The following OXR1 variants were observed in gnomAD, a reference collection of about 807,000 sequenced individuals.
The protein encoded by OXR1 is oxidation resistance protein 1.
OXR1 carries 41 observed loss-of-function variants against 104.6 expected under a neutral mutation model. The observed-to-expected ratio is 0.39, with a 90% CI of 0.31 to 0.51. The LOEUF is 0.51. Among genes scored for constraint, OXR1 ranks in the 20% least tolerant of loss-of-function variants. The probability of loss-of-function intolerance (pLI) is 0.77; values close to 1 mark genes in which losing one functional copy is unlikely to be tolerated. For synonymous variants in OXR1, 348 were observed against 348.4 expected, an observed-to-expected ratio of 1.00 and a Z score of 0.01; for missense variants, 955 against 1,031.9, an observed-to-expected ratio of 0.93 and a Z score of 1.02.
At chr8:106,641,147 C>T (rs1165329352) in intron 3 of OXR1, among the ~76,000 whole-genome samples, 1 of 152,220 alleles carries the variant, frequency 6.6e-6, no homozygotes, top group African/African-American at 2.4e-5. Context: ...TTTTTGCACA[C>T]AGCTGTCTTC....
chr8:106,563,624 C>G (rs1816855932), intron 3 of OXR1, among the ~76,000 whole-genome samples: 1 of 152,132 alleles, frequency 6.6e-6, no homozygotes, highest in South Asian at 2.1e-4. Context: ...CAACTCAGCT[C>G]TAGACCAAGC....
intron 8 of OXR1, among the ~76,000 whole-genome samples, chr8:106,704,393 C>CTTCTTTTTT (rs1830917410): frequency 8.4e-5 from 4 of 47,888 alleles, no homozygotes; most frequent in African/African-American, 3.0e-4. Flanking sequence ...CTTTCTTCTT[C>CTTCTTTTTT]TTTTTTTTTT....
At chr8:106,345,708 A>G (rs1346996721) in intron 1 of OXR1, among the ~76,000 whole-genome samples, 3 of 152,292 alleles carry the variant, frequency 2.0e-5, no homozygotes, top group Admixed American at 1.3e-4. Flanking sequence ...CATAAAACAT[A>G]CGTTTGATCA....
At chr8:106,519,262 T>C (rs1185563493) in intron 3 of OXR1, 123 bp downstream of exon 3, 2 of 657,822 alleles carry the variant, frequency 3.0e-6, no homozygotes, top group Non-Finnish European at 5.2e-6. Context: ...TCTGATGGTT[T>C]ATTTGGACAT....
In OXR1 at chr8:106,338,564, G is replaced by GA. The variant is rs34887481; in HGVS notation, c.-138-20896dup. Among the ~76,000 whole-genome samples the GA allele has an allele frequency of 7.7e-3, 650 of 84,910 alleles. 3 individuals carry two copies. Among genetic ancestry groups the GA allele is most frequent in the South Asian group, 0.023 (55 of 2,380 alleles). 55.7% of individuals were successfully genotyped at this position (84,910 alleles called of 152,430 possible). ...GGGGACAGAGTGAGACTCTGTCTCA[G>GA]AAAAAAAAAAAAAAAAGCAACCCAG... On this transcript the variant is annotated intron_variant, in intron 1 of 16. Coordinates refer to ENST00000517566, the MANE Select transcript of OXR1 (RefSeq NM_001198533.2).
intron 2 of OXR1, among the ~76,000 whole-genome samples, chr8:106,469,308 A>G (rs1451839183): frequency 1.3e-5 from 2 of 151,764 alleles, no homozygotes; most frequent in Admixed American, 1.3e-4. Context: ...ATGCATGAGA[A>G]TGGTTACATA....
chr8:106,618,030 G>T (rs1821384035), intron 3 of OXR1: 1 of 1,518,842 alleles, frequency 6.6e-7, no homozygotes, highest in Non-Finnish European at 8.8e-7. Context: ...CAGGGACCGG[G>T]CGGGAGGAGA....
chr8:106,281,259 A>C (rs1413461349), intron 1 of OXR1, among the ~76,000 whole-genome samples: 2 of 152,198 alleles, frequency 1.3e-5, no homozygotes, highest in Non-Finnish European at 2.9e-5. Context: ...CAGAGAACTC[A>C]AAAGTTTACA....
chr8:106,578,889 C>T (rs1265881979), intron 3 of OXR1, among the ~76,000 whole-genome samples: 2 of 151,750 alleles, frequency 1.3e-5, no homozygotes, highest in African/African-American at 4.8e-5. Context: ...CCCATTTACT[C>T]TTTACCCTAT....
rs1363473473 is a variant in OXR1, at chr8:106,641,502, TAC to T, written c.221-37706_221-37705del. Among the ~76,000 whole-genome samples, 18 of 152,340 alleles carry T rather than the reference TAC, an allele frequency of 1.2e-4. No individual in the cohort carries two copies. The South Asian group carries it at 3.1e-3, about 26-fold the overall frequency. ...AGATACAGGATGAAATAAGGCTTTT[TAC>T]AAACAGACTATAAAAGTTGCCAGAG... On this transcript the variant is annotated intron_variant, in intron 3 of 16. Coordinates refer to ENST00000517566, the MANE Select transcript of OXR1 (RefSeq NM_001198533.2).
At chr8:106,547,650 G>A (rs1277118850) in intron 3 of OXR1, among the ~76,000 whole-genome samples, 1 of 151,838 alleles carries the variant, frequency 6.6e-6, no homozygotes, top group East Asian at 1.9e-4. Context: ...ACATGACCAT[G>A]CCCAGCTAAT....
intron 3 of OXR1, among the ~76,000 whole-genome samples, chr8:106,577,859 C>T (rs1817967536): frequency 1.3e-5 from 2 of 152,150 alleles, no homozygotes; most frequent in South Asian, 4.1e-4. Context: ...CTTGTAGTTC[C>T]TGTATCTCCT....
chr8:106,472,430 AG>A (rs1485370129), intron 2 of OXR1, among the ~76,000 whole-genome samples: 2 of 151,810 alleles, frequency 1.3e-5, no homozygotes, highest in African/African-American at 4.8e-5. Context: ...TACGTGCTTC[AG>A]GAAATACAAG....
chr8:106,713,759 A>G, intron 10 of OXR1, 64 bp from the exon 11 acceptor site: 7 of 912,664 alleles, frequency 7.7e-6, no homozygotes, highest in African/African-American at 1.7e-5. Flanking sequence ...TATTTTACAA[A>G]TATAATTTTT....
rs187797084 is a variant in OXR1 at position 106,371,688 on chromosome 8, A to G, written c.23+12052A>G. Among the ~76,000 whole-genome samples the G allele has an allele frequency of 4.4e-3, 665 of 152,266 alleles. 11 individuals carry two copies. The highest frequency in any genetic ancestry group is 0.015 in the African/African-American group (626 of 41,544). ...TTCAGGAGCAGGTTTTCCAGTTTCC[A>G]TGAAATCGTGTGGTTTTCAGTGAGT... is the stretch of plus-strand genomic sequence containing the variant. On this transcript the variant is annotated intron_variant, in intron 2 of 16. Transcript: ENST00000517566.
intron 1 of OXR1, among the ~76,000 whole-genome samples, chr8:106,303,670 C>T (rs1813357515): frequency 6.6e-6 from 1 of 152,128 alleles, no homozygotes; most frequent in Non-Finnish European, 1.5e-5. Flanking sequence ...GAAAAACCTA[C>T]ATAATGGAAT....
intron 3 of OXR1, among the ~76,000 whole-genome samples, chr8:106,662,686 C>G (rs1275769216): frequency 2.0e-5 from 3 of 152,070 alleles, no homozygotes; most frequent in African/African-American, 4.8e-5. Flanking sequence ...GGAAAATAGA[C>G]ATTGGACAAA....
chr8:106,478,527 C>T (rs1204823866), intron 2 of OXR1, among the ~76,000 whole-genome samples: 4 of 151,610 alleles, frequency 2.6e-5, no homozygotes, highest in African/African-American at 9.7e-5. Flanking sequence ...AAGTTCTTGG[C>T]AAAGAGAGTA....
At chr8:106,315,331 T>C (rs139175783) in intron 1 of OXR1, among the ~76,000 whole-genome samples, 2 of 152,312 alleles carry the variant, frequency 1.3e-5, no homozygotes, top group East Asian at 1.9e-4. Flanking sequence ...ACATTTTTCT[T>C]CCCGTTTTCT....
Sources: gnomAD v4.1 joint callset for allele counts (sites outside exome capture counted in the v4.1 genomes callset) on GRCh38, gnomAD v4.1.1 for gene constraint, MANE v1.5 for transcripts, NCBI Gene and HGNC (gene_info 2026-07-23, HGNC 2026-07-21) for gene names.